ARMC6: variants seen among roughly 807,000 people sequenced by gnomAD.
ARMC6 encodes armadillo repeat containing 6, also known as armadillo repeat-containing protein 6.
ARMC6 carries 43 observed loss-of-function variants against 49.2 expected under a neutral mutation model. The ratio of observed to expected loss-of-function variants is 0.87; its 90% CI spans 0.69 to 1.13. The LOEUF (loss-of-function observed/expected upper bound fraction) is 1.13. ARMC6 is among the 50% of genes most tolerant of loss of function. The probability of loss-of-function intolerance (pLI) is 0.00; values close to 1 mark genes in which losing one functional copy is unlikely to be tolerated. For synonymous variants in ARMC6, 262 were observed against 289.6 expected (o/e 0.90, Z 0.97); for missense variants, 627 against 682.0 (o/e 0.92, Z 0.90).
rs1599654279 is a variant in ARMC6, at chr19:19,057,895, G to A, written c.*267G>A. 3.4e-6 allele frequency: 2 copies of A among 594,794 alleles called. No individual in the cohort carries two copies. The highest frequency in any genetic ancestry group is 2.9e-5 in the East Asian group (1 of 33,900). The allele number at this position is 594,794 out of a possible 1,614,324, so 36.8% of individuals were successfully genotyped here. A position where few individuals can be genotyped will look rare whatever the true frequency, so the allele number is the denominator to read the frequency against. On this transcript the variant is annotated 3_prime_UTR_variant, in exon 9 of 9. Coordinates refer to ENST00000535612, the MANE Select transcript of ARMC6 (RefSeq NM_001199196.2). ...GTCCTGCTCCTTCCCCCAGCCCCACGCCCTACCAGAGGGGGCAAAGGGCAC... is the reference window on the plus strand; with the variant it reads ...GTCCTGCTCCTTCCCCCAGCCCCACACCCTACCAGAGGGGGCAAAGGGCAC...
intron 4 of ARMC6, among the ~76,000 whole-genome samples, chr19:19,048,149 C>T (rs1039339367): frequency 3.9e-5 from 6 of 152,100 alleles, no homozygotes; most frequent in African/African-American, 1.4e-4. Context: ...TGTTCGAGAC[C>T]AGCCTGGCCA....
chr19:19,038,097 G>A (rs983214285), intron 2 of ARMC6, among the ~76,000 whole-genome samples: 2 of 152,200 alleles, frequency 1.3e-5, no homozygotes, highest in African/African-American at 4.8e-5. Flanking sequence ...AGCGATTTAG[G>A]TTGGGCACTC....
chr19:19,039,662 G>A (rs1568488397), intron 2 of ARMC6, among the ~76,000 whole-genome samples: 1 of 152,096 alleles, frequency 6.6e-6, no homozygotes, highest in Non-Finnish European at 1.5e-5. Flanking sequence ...TTCGTGTCTG[G>A]CTTCTTTGAC....
intron 2 of ARMC6, among the ~76,000 whole-genome samples, chr19:19,038,054 G>A (rs1488922994): frequency 6.6e-6 from 1 of 152,146 alleles, no homozygotes; most frequent in East Asian, 1.9e-4. Context: ...TTAAATTATA[G>A]GAGCACGAAC....
chr19:19,052,288 C>T (rs1225600226), intron 5 of ARMC6, 93 bp downstream of exon 5: 25 of 1,236,478 alleles, frequency 2.0e-5, no homozygotes, highest in South Asian at 9.3e-5. Flanking sequence ...GCTTTAGGCA[C>T]GGCAGGCTCA....
chr19:19,038,189 C>G (rs1041914794), intron 2 of ARMC6, among the ~76,000 whole-genome samples: 4 of 152,192 alleles, frequency 2.6e-5, no homozygotes, highest in Non-Finnish European at 5.9e-5. Context: ...AGACAACAAG[C>G]TCAGGGCTCC....
intron 4 of ARMC6, among the ~76,000 whole-genome samples, chr19:19,049,424 C>T (rs920075707): frequency 4.6e-5 from 7 of 152,186 alleles, no homozygotes; most frequent in African/African-American, 1.7e-4. Flanking sequence ...GTAGTTCTAA[C>T]TCCAATACTG....
chr19:19,048,445 T>C (rs2145865917), intron 4 of ARMC6, among the ~76,000 whole-genome samples: 1 of 151,242 alleles, frequency 6.6e-6, no homozygotes, highest in Admixed American at 6.6e-5. Context: ...ATCACTTGAA[T>C]CCAGGAGGCG....
At position 19,052,340 on chromosome 19, in the gene ARMC6, G is replaced by A. The variant is rs552906978; in HGVS notation, c.853+145G>A. On this transcript the variant is annotated intron_variant, in intron 5 of 8. Transcript: ENST00000535612. ...TCGGCTTAGACCTGCCTGCATGGCA[G>A]CCCTCGTGAAGAGTCTCCCCATGTT... 7.9e-6 allele frequency: 6 copies of A among 759,266 alleles called. No homozygotes were observed. In the African/African-American group the frequency reaches 8.8e-5, roughly 11 times the overall value. 47.0% of individuals were successfully genotyped at this position (759,266 alleles called of 1,614,324 possible).
At chr19:19,047,262 G>A (rs1197667617) in intron 4 of ARMC6, among the ~76,000 whole-genome samples, 1 of 152,034 alleles carries the variant, frequency 6.6e-6, no homozygotes, top group African/African-American at 2.4e-5. Flanking sequence ...GCATCTCAGC[G>A]GTCAGTTCGC....
chr19:19,035,801 T>A (rs913838605), intron 2 of ARMC6, among the ~76,000 whole-genome samples: 3 of 152,194 alleles, frequency 2.0e-5, no homozygotes, highest in Admixed American at 2.0e-4. Context: ...GTTAAGGACA[T>A]GTCTGTGACA....
Position 19,055,890 on chromosome 19 carries a change from C to G in ARMC6, c.1255C>G (p.Gln419Glu). Residue 419 changes from glutamine to glutamate, a missense_variant, in exon 8 of 9, where the codon CAG becomes GAG. Transcript: ENST00000535612. The surrounding 1 kb of genome is among the most constrained non-coding windows in gnomAD (Gnocchi z 5.7). ...GGGTGGCGGGGCTGTGGCAGCACTG[C>G]AGGCCATGAAGGCACACCCGCAGAA... ...VEGGGAVAAL[Q>E]AMKAHPQKAG... is the part of the protein sequence containing the mutation. The G allele has an allele frequency of 6.2e-7, 1 of 1,612,528 alleles. No individual in the cohort carries two copies.
In ARMC6 at chr19:19,054,670, C is replaced by T. The variant is rs926539712; in HGVS notation, c.1023+349C>T. Reference sequence around the variant, plus strand: ...CTCCGTTTAGCAGCCGATTATTGAGCCCTTCTCCATGTGCCCATCCACAGC... The same window carrying T: ...CTCCGTTTAGCAGCCGATTATTGAGTCCTTCTCCATGTGCCCATCCACAGC... On this transcript the variant is annotated intron_variant, in intron 6 of 8. Transcript: ENST00000535612. Among the ~76,000 whole-genome samples the T allele has an allele frequency of 4.6e-5, 7 of 152,242 alleles. No individual in the cohort carries two copies. In the East Asian group the frequency reaches 5.8e-4, roughly 13 times the overall value.
intron 2 of ARMC6, among the ~76,000 whole-genome samples, chr19:19,038,702 C>T (rs1332795616): frequency 2.6e-5 from 4 of 152,104 alleles, no homozygotes; most frequent in Non-Finnish European, 5.9e-5. Flanking sequence ...CTCAGCCTCC[C>T]GAGTAGCTGG....
rs1359598075 is a variant in ARMC6, at chr19:19,054,170, G to C, written c.872G>C (p.Gly291Ala). 6.3e-7 allele frequency: 1 copy of C among 1,592,074 alleles called. No individual in the cohort carries two copies. ...CCTGCAGCGTTCCTGGATAACCCTGGCATCCTGAGCGAGCTCTGTGGAACC... is the reference window on the plus strand; with the variant it reads ...CCTGCAGCGTTCCTGGATAACCCTGCCATCCTGAGCGAGCTCTGTGGAACC... ...EATKAFLDNP[G>A]ILSELCGTLS... The change falls in exon 6 of 9, where the codon GGC (glycine) becomes GCC (alanine). Residue 291 changes from glycine (G) to alanine (A), a missense_variant. Physicochemically the swap from Gly to Ala is moderately conservative, Grantham distance 60 (BLOSUM62 0). Coordinates refer to ENST00000535612, the MANE Select transcript of ARMC6 (RefSeq NM_001199196.2).
At chr19:19,041,003 T>A (rs2059407925) in intron 2 of ARMC6, among the ~76,000 whole-genome samples, 1 of 152,134 alleles carries the variant, frequency 6.6e-6, no homozygotes, top group Non-Finnish European at 1.5e-5. Flanking sequence ...TCCTTGTTTT[T>A]AAAGATTTTA....
At chr19:19,046,234 T>A (rs1450654050) in intron 4 of ARMC6, among the ~76,000 whole-genome samples, 1 of 152,072 alleles carries the variant, frequency 6.6e-6, no homozygotes, top group Non-Finnish European at 1.5e-5. Flanking sequence ...TCTCGCTCTG[T>A]CGCCCAGGCT....
At position 19,052,211 on chromosome 19, in the gene ARMC6, C is replaced by T. The variant is rs369991307; in HGVS notation, c.853+16C>T. 377 of 1,564,244 alleles carry T rather than the reference C, an allele frequency of 2.4e-4. 1 individual carries two copies. The highest frequency in any genetic ancestry group is 8.5e-4 in the Middle Eastern group (5 of 5,882). The stretch of plus-strand genomic sequence containing the variant: ...GCCACCAAAGGTAAGAGCTGGGGGC[C>T]GACACGAGCCAGCGAACAAAGTGGG... On this transcript the variant is annotated intron_variant, in intron 5 of 8. Coordinates refer to ENST00000535612, the MANE Select transcript of ARMC6 (RefSeq NM_001199196.2).
chr19:19,034,023 T>G, intron 1 of ARMC6, 93 bp downstream of exon 1: 5 of 525,558 alleles, frequency 9.5e-6, no homozygotes, highest in East Asian at 3.3e-5. Context: ...GGTACGTGGT[T>G]TGGGGGGAAA....
Sources: gnomAD v4.1 joint callset for allele counts (sites outside exome capture counted in the v4.1 genomes callset) on GRCh38, gnomAD v4.1.1 for gene constraint, Gnocchi (gnomAD v3.1) non-coding constraint, MANE v1.5 for transcripts, NCBI Gene and HGNC (gene_info 2026-07-23, HGNC 2026-07-21) for gene names.